The following DPP6 variants were observed in gnomAD, a reference collection of about 807,000 sequenced individuals.
DPP6 encodes dipeptidyl peptidase like 6.
In DPP6, 69 loss-of-function variants were observed where a neutral mutation model predicts 122.6. The ratio of observed to expected loss-of-function variants is 0.56; its 90% confidence interval spans 0.46 to 0.69. The LOEUF is 0.69. DPP6 is among the 30% of genes least tolerant of loss of function. The pLI is 0.00. For synonymous variants in DPP6, 418 were observed against 433.1 expected (o/e 0.97, Z 0.43); for missense variants, 928 against 1,116.9 (o/e 0.83, Z 2.41).
intron 1 of DPP6, among the ~76,000 whole-genome samples, chr7:153,984,841 C>G (rs113008059): frequency 6.6e-6 from 1 of 152,238 alleles, no homozygotes; most frequent in African/African-American, 2.4e-5. Flanking sequence ...AAGCTGTGAT[C>G]TGTGGCGAGG....
intron 5 of DPP6, among the ~76,000 whole-genome samples, chr7:154,615,543 G>C (rs1834183767): frequency 6.6e-6 from 1 of 152,158 alleles, no homozygotes; most frequent in Non-Finnish European, 1.5e-5. Context: ...CCGTAAGTAA[G>C]TATACGATTC....
At chr7:154,541,928 A>G (rs965380381) in intron 4 of DPP6, among the ~76,000 whole-genome samples, 2 of 152,192 alleles carry the variant, frequency 1.3e-5, no homozygotes, top group African/African-American at 4.8e-5. Flanking sequence ...CCCAGGGAGA[A>G]GGAAGGATGG....
intron 5 of DPP6, among the ~76,000 whole-genome samples, chr7:154,616,774 G>A (rs1401153493): frequency 3.9e-5 from 6 of 152,152 alleles, no homozygotes; most frequent in Non-Finnish European, 8.8e-5. Context: ...GTGAGCATTC[G>A]CCTCCAGGGA....
At chr7:154,733,290 T>C (rs1443612807) in intron 8 of DPP6, among the ~76,000 whole-genome samples, 2 of 152,230 alleles carry the variant, frequency 1.3e-5, no homozygotes, top group Admixed American at 1.3e-4. Flanking sequence ...ATTAGCGATG[T>C]AGTCAGGCCC....
intron 5 of DPP6, among the ~76,000 whole-genome samples, chr7:154,614,640 G>A (rs528278138): frequency 9.9e-5 from 15 of 152,278 alleles, no homozygotes; most frequent in African/African-American, 3.6e-4. Context: ...CAGCAGCAAG[G>A]CAATCAGTAG....
At chr7:153,872,142 T>TA in the DPP6 span, among the ~76,000 whole-genome samples, 4 of 152,232 alleles carry the variant, frequency 2.6e-5, no homozygotes, top group African/African-American at 9.6e-5. Flanking sequence ...AAAGAGCAGT[T>TA]TTTTTCCCAA....
At chr7:154,420,211 C>T (rs927813406) in intron 1 of DPP6, among the ~76,000 whole-genome samples, 7 of 152,096 alleles carry the variant, frequency 4.6e-5, no homozygotes, top group Non-Finnish European at 1.0e-4. Flanking sequence ...GTGGCGGGCA[C>T]CTGTAATCCC....
At chr7:154,809,342 C>T (rs1587210749) in intron 16 of DPP6, among the ~76,000 whole-genome samples, 2 of 151,926 alleles carry the variant, frequency 1.3e-5, no homozygotes. Flanking sequence ...TGTGGTGGCC[C>T]CTCTTTAATT....
chr7:153,975,534 A>C (rs964795002), intron 1 of DPP6, among the ~76,000 whole-genome samples: 1 of 150,590 alleles, frequency 6.6e-6, no homozygotes, highest in African/African-American at 2.5e-5. Context: ...AGAGAAAACT[A>C]TGGTATATTT....
intron 16 of DPP6, among the ~76,000 whole-genome samples, chr7:154,812,310 G>A (rs778502174): frequency 6.6e-6 from 1 of 152,124 alleles, no homozygotes; most frequent in Non-Finnish European, 1.5e-5. Flanking sequence ...AGCTGATATT[G>A]ACCTATCCTG....
intron 8 of DPP6, among the ~76,000 whole-genome samples, chr7:154,748,428 C>T (rs1017600813): frequency 9.9e-5 from 15 of 152,220 alleles, no homozygotes; most frequent in Admixed American, 4.6e-4. Context: ...TCTCTCCTGC[C>T]GCCACCCACA....
intron 17 of DPP6, among the ~76,000 whole-genome samples, chr7:154,857,358 A>G (rs764996473): frequency 2.0e-5 from 3 of 152,032 alleles, no homozygotes; most frequent in Non-Finnish European, 2.9e-5. Flanking sequence ...CCTTCCTTGC[A>G]CGGCCATCCC....
At chr7:154,041,052 A>G (rs1477506826) in intron 1 of DPP6, among the ~76,000 whole-genome samples, 1 of 152,146 alleles carries the variant, frequency 6.6e-6, no homozygotes, top group African/African-American at 2.4e-5. Flanking sequence ...TAAATTTGCT[A>G]AAGCATTATT....
chr7:154,394,471 C>G (rs1586150433), intron 1 of DPP6, among the ~76,000 whole-genome samples: 1 of 138,642 alleles, frequency 7.2e-6, no homozygotes, highest in Non-Finnish European at 1.5e-5. Context: ...TAGAAGTTCT[C>G]TATTTGTTAA....
intron 2 of DPP6, among the ~76,000 whole-genome samples, chr7:154,448,077 A>C (rs1820041112): frequency 6.6e-6 from 1 of 151,838 alleles, no homozygotes; most frequent in South Asian, 2.1e-4. Context: ...AGCCAGGGCT[A>C]TTAGGTAGGA....
chr7:153,888,399 A>G (rs1451857059), intron 1 of DPP6, among the ~76,000 whole-genome samples: 4 of 152,184 alleles, frequency 2.6e-5, no homozygotes, highest in African/African-American at 9.6e-5. Flanking sequence ...GCAGCTGGCC[A>G]GGGGACAGTT....
chr7:154,425,027 T>C (rs1307070117), intron 1 of DPP6, among the ~76,000 whole-genome samples: 3 of 152,252 alleles, frequency 2.0e-5, no homozygotes, highest in Admixed American at 2.0e-4. Context: ...AAGTTAATTA[T>C]TTCTTCATTA....
At chr7:153,897,266 C>G (rs1266922587) in intron 1 of DPP6, among the ~76,000 whole-genome samples, 1 of 152,166 alleles carries the variant, frequency 6.6e-6, no homozygotes, top group African/African-American at 2.4e-5. Flanking sequence ...ACAATGTATT[C>G]TTTCAGAAAT....
intron 1 of DPP6, among the ~76,000 whole-genome samples, chr7:154,123,228 T>G (rs1204123557): frequency 3.3e-5 from 5 of 152,242 alleles, no homozygotes; most frequent in Non-Finnish European, 5.9e-5. Flanking sequence ...AGTAAATAAC[T>G]GCCTGAGCCT....
Sources: allele counts gnomAD v4.1 joint callset (sites outside exome capture counted in the v4.1 genomes callset), GRCh38; gene constraint gnomAD v4.1.1; transcripts MANE v1.5; gene names NCBI Gene and HGNC (gene_info 2026-07-23, HGNC 2026-07-21).